The following RTKN2 variants were observed in gnomAD, a reference collection of about 807,000 sequenced individuals.
RTKN2 encodes rhotekin 2.
A neutral mutation model predicts 71.5 loss-of-function variants in RTKN2; 69 were observed. The ratio of observed to expected loss-of-function variants is 0.96; its 90% CI spans 0.79 to 1.18. RTKN2 has a LOEUF of 1.18. Ranked by LOEUF, RTKN2 falls within the 50% of genes most tolerant of loss-of-function variation. The pLI, the probability that RTKN2 is intolerant of heterozygous loss-of-function variation, is 0.00. For synonymous variants in RTKN2, 236 were observed against 236.5 expected, an observed-to-expected ratio of 1.00 and a Z score of 0.02; for missense variants, 724 against 719.7, an observed-to-expected ratio of 1.01 and a Z score of -0.07.
chr10:62,238,190 A>G (rs1842297603), intron 5 of RTKN2: 1 of 152,012 alleles, frequency 6.6e-6, no homozygotes, highest in African/African-American at 2.4e-5. Context: ...CAACTTTTAA[A>G]CATGCAGTAT....
intron 9 of RTKN2, among the ~76,000 whole-genome samples, chr10:62,216,125 T>C (rs1841764114): frequency 6.6e-6 from 1 of 151,994 alleles, no homozygotes; most frequent in African/African-American, 2.4e-5. Flanking sequence ...GAAAAGATCA[T>C]GAAACTAAAC....
In RTKN2 at chr10:62,193,709, C is replaced by A. The variant is rs751307280; in HGVS notation, c.*4199G>T. 3.0e-6 allele frequency: 3 copies of A among 984,994 alleles called. No individual in the cohort carries two copies. The East Asian group carries it at 3.4e-4, about 112-fold the overall frequency. 61.0% of individuals were successfully genotyped at this position (984,994 alleles called of 1,614,324 possible). A position where few individuals can be genotyped will look rare whatever the true frequency, so the allele number is the denominator to read the frequency against. On this transcript the variant is annotated 3_prime_UTR_variant, in exon 12 of 12. Coordinates refer to ENST00000373789, the MANE Select transcript of RTKN2 (RefSeq NM_145307.4). ...CTTGTGGCTAGTAGCGACTGAATAT[C>A]CTACGTACCTAATTTACTGCAGTGG...
intron 3 of RTKN2, among the ~76,000 whole-genome samples, chr10:62,243,584 T>G (rs1564521858): frequency 6.6e-6 from 1 of 151,992 alleles, no homozygotes; most frequent in Non-Finnish European, 1.5e-5. Context: ...GAGAGGAGGG[T>G]AGATATCAGC....
intron 7 of RTKN2, among the ~76,000 whole-genome samples, chr10:62,222,064 G>A (rs967941728): frequency 1.3e-5 from 2 of 152,122 alleles, no homozygotes; most frequent in Non-Finnish European, 2.9e-5. Context: ...CATATGTACA[G>A]CTAGGGTAAC....
chr10:62,210,737 T>G (rs1408964682), intron 9 of RTKN2, among the ~76,000 whole-genome samples: 1 of 152,116 alleles, frequency 6.6e-6, no homozygotes, highest in Non-Finnish European at 1.5e-5. Context: ...AAACCAACCA[T>G]GAGGTATGAT....
chr10:62,194,159 AAT>A lies in RTKN2; in HGVS notation c.*3747_*3748del. ...AAAAATAAAAATTATAAACAAAGCC[AAT>A]TACACAAGCATGTCAGAAAATCAAC... On this transcript the variant is annotated 3_prime_UTR_variant, in exon 12 of 12. Coordinates refer to ENST00000373789, the MANE Select transcript of RTKN2 (RefSeq NM_145307.4). The A allele has an allele frequency of 2.0e-6, 2 of 978,296 alleles. No individual in the cohort carries two copies. Among genetic ancestry groups the A allele is most frequent in the Non-Finnish European group, 2.4e-6 (2 of 823,464 alleles). The allele number at this position is 978,296 out of a possible 1,614,324, so 60.6% of individuals were successfully genotyped here. A position where few individuals can be genotyped will look rare whatever the true frequency, so the allele number is the denominator to read the frequency against.
intron 2 of RTKN2, among the ~76,000 whole-genome samples, chr10:62,252,508 C>T (rs1174304006): frequency 6.6e-6 from 1 of 151,704 alleles, no homozygotes; most frequent in East Asian, 1.9e-4. Context: ...AAAATTATAC[C>T]TATTTAATTG....
intron 6 of RTKN2, among the ~76,000 whole-genome samples, chr10:62,232,800 G>A (rs1564515907): frequency 6.6e-6 from 1 of 151,652 alleles, no homozygotes; most frequent in Non-Finnish European, 1.5e-5. Flanking sequence ...TGGTAACAGA[G>A]CTTACTACAA....
chr10:62,265,304 A>G, intron 1 of RTKN2, among the ~76,000 whole-genome samples: 1 of 152,192 alleles, frequency 6.6e-6, no homozygotes. Flanking sequence ...CATATTGTCT[A>G]TGGCTCCTTT....
At chr10:62,239,170 C>G (rs1291860309) in intron 5 of RTKN2, 1 of 152,028 alleles carries the variant, frequency 6.6e-6, no homozygotes, top group Non-Finnish European at 1.5e-5. Flanking sequence ...AAAGAACACC[C>G]CAAAATTTCA....
chr10:62,245,975 A>C, intron 3 of RTKN2, 24 bp downstream of exon 3: 1 of 1,427,638 alleles, frequency 7.0e-7, no homozygotes, highest in East Asian at 2.3e-5. Flanking sequence ...ATTCAGCAAT[A>C]TAAAAGATTC....
chr10:62,251,110 T>C (rs961882949), intron 2 of RTKN2, among the ~76,000 whole-genome samples: 9 of 152,216 alleles, frequency 5.9e-5, no homozygotes, highest in African/African-American at 2.2e-4. Flanking sequence ...ATCACAGTGC[T>C]TGTGCTCAAG....
At chr10:62,200,557 A>T (rs1589332982) in intron 10 of RTKN2, among the ~76,000 whole-genome samples, 1 of 152,020 alleles carries the variant, frequency 6.6e-6, no homozygotes, top group Admixed American at 6.5e-5. Flanking sequence ...AGTATTCAAG[A>T]TGTTGAAAGG....
At position 62,195,115 on chromosome 10, in the gene RTKN2, T is replaced by C. The variant is rs1841296327; in HGVS notation, c.*2793A>G. 1.0e-6 allele frequency: 1 copy of C among 980,312 alleles called. No individual in the cohort carries two copies. The highest frequency in any genetic ancestry group is 1.7e-5 in the African/African-American group (1 of 57,152). The allele number at this position is 980,312 out of a possible 1,614,324, so 60.7% of individuals were successfully genotyped here. ...AAAATAATACTATCTTAATGCTGAC[T>C]ACGTAATTTATATCCCAGAGCTTGA... On this transcript the variant is annotated 3_prime_UTR_variant, in exon 12 of 12. Transcript: ENST00000373789.
chr10:62,186,780 A>G (rs1468387371), intron 8 of RTKN2, among the ~76,000 whole-genome samples: 2 of 152,018 alleles, frequency 1.3e-5, no homozygotes, highest in Non-Finnish European at 2.9e-5. Flanking sequence ...ACTAAACCCT[A>G]TGAATAAATC....
intron 9 of RTKN2, among the ~76,000 whole-genome samples, chr10:62,208,350 T>C (rs1841589211): frequency 7.0e-6 from 1 of 143,760 alleles, no homozygotes; most frequent in African/African-American, 2.7e-5. Flanking sequence ...GCTTTTCAAA[T>C]AAATGGCTGA....
At chr10:62,189,444 A>G (rs909838495), downstream of RTKN2, among the ~76,000 whole-genome samples, 1 of 152,168 alleles carries the variant, frequency 6.6e-6, no homozygotes, top group Non-Finnish European at 1.5e-5. Context: ...GTATTCTTTC[A>G]ATCTTGATGT....
rs535662008 is a variant in RTKN2 at position 62,187,162 on chromosome 10, T to C, written c.862-2775A>G. 4.1e-4 allele frequency among the ~76,000 whole-genome samples: 62 copies of C among 152,092 alleles called. 2 individuals carry two copies. The South Asian group carries it at 0.012, about 30-fold the overall frequency. On this transcript the variant is annotated intron_variant, in intron 8 of 8. Coordinates refer to the RTKN2 transcript ENST00000315289. Reference sequence around the variant, plus strand: ...CTAATACAACAAAGATGTTGAAGTATACCAGGCACACTATTCTGATTTCCC... The same window carrying C: ...CTAATACAACAAAGATGTTGAAGTACACCAGGCACACTATTCTGATTTCCC...
intron 3 of RTKN2, among the ~76,000 whole-genome samples, chr10:62,244,467 T>C (rs1409156960): frequency 6.6e-6 from 1 of 152,164 alleles, no homozygotes; most frequent in Non-Finnish European, 1.5e-5. Flanking sequence ...ATATTATGAA[T>C]TGCTACAATC....
Sources: gnomAD v4.1 joint callset for allele counts (sites outside exome capture counted in the v4.1 genomes callset) on GRCh38, gnomAD v4.1.1 for gene constraint, MANE v1.5 for transcripts, NCBI Gene and HGNC (gene_info 2026-07-23, HGNC 2026-07-21) for gene names.